KDM6A: variants seen among roughly 807,000 people sequenced by gnomAD.
KDM6A encodes the protein lysine-specific demethylase 6A.
A neutral mutation model predicts 117.6 loss-of-function variants in KDM6A; 11 were observed. The observed-to-expected ratio is 0.09, with a 90% CI of 0.06 to 0.15. KDM6A has a LOEUF of 0.15. Ranked by LOEUF, KDM6A falls within the 10% of genes least tolerant of loss-of-function variation. The probability of loss-of-function intolerance (pLI) is 1.00; values close to 1 mark genes in which losing one functional copy is unlikely to be tolerated. For synonymous variants in KDM6A, 384 were observed against 396.1 expected, an observed-to-expected ratio of 0.97 and a Z score of 0.36; for missense variants, 799 against 1,077.3, an observed-to-expected ratio of 0.74 and a Z score of 3.62.
intron 2 of KDM6A, among the ~76,000 whole-genome samples, chrX:44,902,053 C>T (rs2034382841): frequency 9.0e-6 from 1 of 111,523 alleles, no homozygotes; most frequent in South Asian, 3.8e-4. Context: ...ATGGCAATAC[C>T]CCTTCTCTGC....
chrX:44,879,638 T>G (rs185310181), intron 2 of KDM6A, among the ~76,000 whole-genome samples: 99 of 112,216 alleles, frequency 8.8e-4, no homozygotes, highest in Non-Finnish European at 1.7e-3. Context: ...CGTGTTGAAC[T>G]TAAATTCTTT....
intron 5 of KDM6A, among the ~76,000 whole-genome samples, chrX:45,011,876 A>G (rs1020049076): frequency 1.6e-4 from 17 of 109,208 alleles, no homozygotes; most frequent in African/African-American, 4.7e-4. Flanking sequence ...GTCTCAATCT[A>G]TTGTGTTCAA....
rs540069386 is a variant in KDM6A, at chrX:45,049,271, T to G, written c.655-2438T>G. 2.0e-3 allele frequency among the ~76,000 whole-genome samples: 223 copies of G among 112,090 alleles called. 1 individual carries two copies. The highest frequency in any genetic ancestry group is 7.0e-3 in the African/African-American group (217 of 30,786). On this transcript the variant is annotated intron_variant, in intron 8 of 29. Transcript: ENST00000611820. ...TCTAGAGGAGTATAGTTACTCACAT[T>G]GTTTTTCACCTTTTATGTGTTGGAT...
chrX:45,078,545 G>A (rs749792719), intron 20 of KDM6A, 40 bp downstream of exon 20: 1 of 1,094,283 alleles, frequency 9.1e-7, no homozygotes, highest in Non-Finnish European at 1.3e-6. Flanking sequence ...TTGTCTCTTT[G>A]TTTTGCTATC....
chrX:45,090,593 A>C, intron 26 of KDM6A, 130 bp from the exon 27 acceptor site: 2 of 684,692 alleles, frequency 2.9e-6, no homozygotes, highest in South Asian at 2.6e-5. Flanking sequence ...ATAAAGCATA[A>C]AAATTATTTT....
rs1340911940 is a variant in KDM6A, at chrX:45,063,477, C to T, written c.1739C>T (p.Thr580Ile). 3.3e-6 allele frequency: 4 copies of T among 1,209,389 alleles called. No individual in the cohort carries two copies. Among genetic ancestry groups the T allele is most frequent in the East Asian group, 3.0e-5 (1 of 33,806 alleles). The change falls in exon 17 of 30, where the codon ACA (threonine) becomes ATA (isoleucine). Residue 580 changes from threonine (T) to isoleucine (I), a missense_variant. This residue lies in a region of KDM6A where 301 missense variants were observed against 318.3 expected (regional missense o/e 0.95). Transcript: ENST00000611820. ...VRSTGIPNGP[T>I]ADSSLPTNSV... is the part of the protein sequence containing the mutation. ...TCTACTGGAATTCCTAATGGGCCAA[C>T]AGCTGACTCATCACTGCCTACAAAC... is the stretch of plus-strand genomic sequence containing the variant.
chrX:45,088,227 A>G (rs1192186513), intron 25 of KDM6A, among the ~76,000 whole-genome samples: 2 of 112,483 alleles, frequency 1.8e-5, no homozygotes, highest in African/African-American at 6.5e-5. Flanking sequence ...CACACACAAT[A>G]AGCCAATCCT....
intron 2 of KDM6A, among the ~76,000 whole-genome samples, chrX:44,876,943 A>G (rs1025950151): frequency 5.4e-5 from 6 of 111,640 alleles, no homozygotes; most frequent in African/African-American, 9.7e-5. Context: ...GCATATACAC[A>G]CGTATACGTA....
At chrX:44,946,007 G>A (rs1279993747) in intron 2 of KDM6A, among the ~76,000 whole-genome samples, 1 of 112,362 alleles carries the variant, frequency 8.9e-6, no homozygotes, top group African/African-American at 3.2e-5. Context: ...AATGCGTAAT[G>A]CAACTATTTG....
chrX:45,005,501 C>T lies in KDM6A; in HGVS notation c.385-5460C>T, dbSNP rs142815559. Reference sequence around the variant, plus strand: ...CACTCGACTTTTATCATTAACATGTCGGATTAGAAGCTGACACATTACATC... The same window carrying T: ...CACTCGACTTTTATCATTAACATGTTGGATTAGAAGCTGACACATTACATC... On this transcript the variant is annotated intron_variant, in intron 4 of 29. Transcript: ENST00000611820. Among the ~76,000 whole-genome samples, 86 of 111,696 alleles carry T rather than the reference C, an allele frequency of 7.7e-4. No homozygotes were observed. The East Asian group carries it at 0.021, about 28-fold the overall frequency.
intron 2 of KDM6A, among the ~76,000 whole-genome samples, chrX:44,900,773 G>C (rs934157044): frequency 3.6e-5 from 4 of 110,972 alleles, no homozygotes; most frequent in Non-Finnish European, 3.8e-5. Flanking sequence ...GGCAGGAGCC[G>C]GTAATCCCAG....
intron 6 of KDM6A, among the ~76,000 whole-genome samples, chrX:45,031,176 CTT>C (rs2042588009): frequency 8.9e-6 from 1 of 112,225 alleles, no homozygotes. Context: ...TGAAGTAACT[CTT>C]TTCTTACTTT....
chrX:44,993,544 G>A (rs1339019910), intron 4 of KDM6A, among the ~76,000 whole-genome samples: 1 of 110,398 alleles, frequency 9.1e-6, no homozygotes, highest in African/African-American at 3.3e-5. Context: ...TAGTTTTCCT[G>A]GATAGTTTTA....
chrX:44,995,933 T>A (rs764218475), intron 4 of KDM6A, among the ~76,000 whole-genome samples: 60 of 112,301 alleles, frequency 5.3e-4, no homozygotes, highest in Non-Finnish European at 9.8e-4. Context: ...TTAAGTATTT[T>A]ACATGTATCA....
At chrX:44,886,787 G>A (rs1473190711) in intron 2 of KDM6A, among the ~76,000 whole-genome samples, 3 of 109,555 alleles carry the variant, frequency 2.7e-5, no homozygotes, top group African/African-American at 1.0e-4. Context: ...CACCGCGCCC[G>A]GCCTACTTAC....
At chrX:44,935,379 CTG>C (rs1287116400) in intron 2 of KDM6A, among the ~76,000 whole-genome samples, 2 of 110,130 alleles carry the variant, frequency 1.8e-5, no homozygotes, top group African/African-American at 3.3e-5. Context: ...TACAGCCAAA[CTG>C]TAATTAACTT....
intron 5 of KDM6A, 64 bp from the exon 6 acceptor site, chrX:45,020,546 C>T: frequency 9.1e-7 from 1 of 1,100,966 alleles, no homozygotes; most frequent in South Asian, 1.9e-5. Context: ...TTTCAATGTA[C>T]TACCAAGCAA....
intron 8 of KDM6A, among the ~76,000 whole-genome samples, chrX:45,038,214 C>G (rs1054630396): frequency 9.0e-6 from 1 of 111,413 alleles, no homozygotes; most frequent in African/African-American, 3.3e-5. Flanking sequence ...CAGAGTGAGA[C>G]TCTGTCTCAA....
At chrX:45,064,051 T>C (rs1280276687) in intron 17 of KDM6A, among the ~76,000 whole-genome samples, 2 of 111,853 alleles carry the variant, frequency 1.8e-5, no homozygotes, top group Non-Finnish European at 3.8e-5. Flanking sequence ...AGGAAGAAAA[T>C]AGATCATATA....
Sources: gnomAD v4.1 joint callset for allele counts (sites outside exome capture counted in the v4.1 genomes callset) on GRCh38, gnomAD v4.1.1 for gene constraint, gnomAD v4.1.1 regional missense constraint, MANE v1.5 for transcripts, NCBI Gene and HGNC (gene_info 2026-07-23, HGNC 2026-07-21) for gene names.